The following HK1 variants were observed in gnomAD, a reference collection of about 807,000 sequenced individuals.
HK1 encodes hexokinase-1.
HK1 carries 28 observed loss-of-function variants against 91.6 expected under a neutral mutation model. The observed-to-expected ratio is 0.31, with a 90% CI of 0.23 to 0.42. The LOEUF is 0.42. Ranked by LOEUF, HK1 falls within the 10% of genes least tolerant of loss-of-function variation. HK1 has a pLI of 1.00. For synonymous variants in HK1, 430 were observed against 468.1 expected (o/e 0.92, Z 1.05); for missense variants, 770 against 1,219.8 (o/e 0.63, Z 5.49).
At position 69,359,885 on chromosome 10, in the gene HK1, C is replaced by G. The variant is rs1422512488; in HGVS notation, c.227-12C>G. The G allele has an allele frequency of 6.2e-7, 1 of 1,613,694 alleles. No individual in the cohort carries two copies. The highest frequency in any genetic ancestry group is 1.3e-5 in the African/African-American group (1 of 75,040). On this transcript the variant is annotated splice_polypyrimidine_tract_variant and intron_variant, in intron 2 of 17. Coordinates refer to ENST00000359426, the MANE Select transcript of HK1 (RefSeq NM_000188.3). ...TTGAATCTCATGTGATACCTGTTGT[C>G]TCCCTAAACAGAAAAGGGAGATTTC...
chr10:69,386,483 G>C, intron 13 of HK1, 65 bp downstream of exon 13: 1 of 1,334,628 alleles, frequency 7.5e-7, no homozygotes. Context: ...AAGTGTATTT[G>C]CCTGTTGTAA....
At chr10:69,280,486 C>T (rs1427918366) in intron 1 of HK1, among the ~76,000 whole-genome samples, 2 of 152,168 alleles carry the variant, frequency 1.3e-5, no homozygotes, top group Admixed American at 6.5e-5. Context: ...CTATGGTCTG[C>T]ATGTTTATGG....
chr10:69,369,656 A>G lies in HK1; in HGVS notation c.875+32A>G, dbSNP rs984371943. 1.9e-6 allele frequency: 3 copies of G among 1,589,970 alleles called. No homozygotes were observed. Among genetic ancestry groups the G allele is most frequent in the Non-Finnish European group, 2.6e-6 (3 of 1,161,630 alleles). ...CCTTGACTTTTGCTTCTAACCACATATGTGAGTTAGGGGACATTTGATGAA... is the reference window on the plus strand; with the variant it reads ...CCTTGACTTTTGCTTCTAACCACATGTGTGAGTTAGGGGACATTTGATGAA... On this transcript the variant is annotated intron_variant, in intron 7 of 17. Transcript: ENST00000359426. The surrounding 1 kb of genome is among the most constrained non-coding windows in gnomAD (Gnocchi z 4.4).
At chr10:69,276,161 A>AC (rs1416723718) in intron 1 of HK1, among the ~76,000 whole-genome samples, 41 of 139,682 alleles carry the variant, frequency 2.9e-4, no homozygotes, top group African/African-American at 1.0e-3. Flanking sequence ...ATTCTATATT[A>AC]AATAAGTAAT....
intron 1 of HK1, among the ~76,000 whole-genome samples, chr10:69,274,944 C>A (rs926082092): frequency 2.0e-5 from 3 of 152,126 alleles, no homozygotes; most frequent in African/African-American, 7.2e-5. Flanking sequence ...CAAATGCCCT[C>A]ATAGAGGAAA....
chr10:69,293,696 C>G (rs1845401132), intron 3 of HK1, among the ~76,000 whole-genome samples: 1 of 152,100 alleles, frequency 6.6e-6, no homozygotes, highest in African/African-American at 2.4e-5. Context: ...GGCTTCTCTT[C>G]CACATCTGAA....
intron 1 of HK1, among the ~76,000 whole-genome samples, chr10:69,323,912 GC>G (rs1847183624): frequency 6.6e-6 from 1 of 152,188 alleles, no homozygotes; most frequent in Admixed American, 6.5e-5. Flanking sequence ...GACAGATTTA[GC>G]CACTGGAATC....
Position 69,343,916 on chromosome 10 carries a change from C to G in HK1, c.153C>G (p.Leu51=). 11 of 1,614,048 alleles carry G rather than the reference C, an allele frequency of 6.8e-6. No individual in the cohort carries two copies. The highest frequency in any genetic ancestry group is 9.3e-6 in the Non-Finnish European group (11 of 1,179,910). The change falls in exon 2 of 18, where the codon CTC becomes CTG. Residue 51 remains leucine (L), a synonymous_variant. Coordinates refer to ENST00000359426, the MANE Select transcript of HK1 (RefSeq NM_000188.3). ...TCAGGAAGGAGATGAAGAATGGCCT[C>G]TCCCGGGATTTTAATCCAACAGCCA... ...TRFRKEMKNG[L]SRDFNPTATV...
At chr10:69,322,649 G>A (rs1322145070) in intron 1 of HK1, among the ~76,000 whole-genome samples, 1 of 152,228 alleles carries the variant, frequency 6.6e-6, no homozygotes, top group Non-Finnish European at 1.5e-5. Context: ...TCAGCACTTT[G>A]GGAGGCTGAG....
intron 1 of HK1, among the ~76,000 whole-genome samples, chr10:69,328,336 C>G (rs1414391776): frequency 1.3e-5 from 2 of 152,214 alleles, no homozygotes; most frequent in Non-Finnish European, 2.9e-5. Context: ...ACTCGGAGAC[C>G]TCGAGGGTGC....
At chr10:69,362,289 G>A (rs563767674) in intron 3 of HK1, among the ~76,000 whole-genome samples, 2 of 151,972 alleles carry the variant, frequency 1.3e-5, no homozygotes, top group African/African-American at 4.8e-5. Context: ...GGTTGCCCAG[G>A]CAGATCTCAA....
chr10:69,329,104 A>G (rs1847548298), intron 1 of HK1, among the ~76,000 whole-genome samples: 1 of 151,510 alleles, frequency 6.6e-6, no homozygotes, highest in East Asian at 1.9e-4. Context: ...GTTATGAATA[A>G]TGCTGCTCTG....
chr10:69,365,050 G>T (rs1589545622), intron 4 of HK1, 148 bp downstream of exon 4: 1 of 826,244 alleles, frequency 1.2e-6, no homozygotes. Context: ...AGTTAGTGTG[G>T]TATCATGATA....
intron 8 of HK1, among the ~76,000 whole-genome samples, chr10:69,379,595 A>G (rs1839284853): frequency 6.6e-6 from 1 of 152,182 alleles, no homozygotes; most frequent in Admixed American, 6.5e-5. Context: ...CAGAGGCCAC[A>G]TAGTCTTGCC....
intron 5 of HK1, among the ~76,000 whole-genome samples, chr10:69,310,727 A>G (rs570887795): frequency 6.6e-6 from 1 of 152,338 alleles, no homozygotes; most frequent in East Asian, 1.9e-4. Context: ...TATTCATTTC[A>G]GGAAGACAAT....
chr10:69,294,039 T>G (rs955314398), intron 3 of HK1, among the ~76,000 whole-genome samples: 6 of 151,718 alleles, frequency 4.0e-5, no homozygotes, highest in Non-Finnish European at 8.8e-5. Context: ...TTTTTTGTAT[T>G]TTTAGTAGAG....
intron 2 of HK1, among the ~76,000 whole-genome samples, chr10:69,285,250 T>C (rs12221426): frequency 0.49 from 74,245 of 151,638 alleles, 19,053 homozygotes; most frequent in African/African-American, 0.65. Flanking sequence ...CTGGCTAACA[T>C]GGTCTCTACT....
At chr10:69,312,792 C>T (rs1478271638), upstream of HK1, among the ~76,000 whole-genome samples, 1 of 152,146 alleles carries the variant, frequency 6.6e-6, no homozygotes, top group Non-Finnish European at 1.5e-5. Context: ...AAAATTGTTC[C>T]CCCAGGGGCA....
chr10:69,315,805 G>A, upstream of HK1: 1 of 766,748 alleles, frequency 1.3e-6, no homozygotes, highest in Non-Finnish European at 2.4e-6. Flanking sequence ...TGAGGGGTTG[G>A]GGGTGGGATG....
Sources: allele counts gnomAD v4.1 joint callset (sites outside exome capture counted in the v4.1 genomes callset), GRCh38; gene constraint gnomAD v4.1.1; non-coding constraint Gnocchi (gnomAD v3.1); transcripts MANE v1.5; gene names NCBI Gene and HGNC (gene_info 2026-07-23, HGNC 2026-07-21).